The following WDPCP variants were observed in gnomAD, a reference collection of about 807,000 sequenced individuals.
The protein encoded by WDPCP is WD repeat containing planar cell polarity effector.
In WDPCP, 71 loss-of-function variants were observed where a neutral mutation model predicts 93.1. That is an observed-to-expected ratio of 0.76 (90% confidence interval 0.63 to 0.93). The LOEUF is 0.93. WDPCP is among the 40% of genes least tolerant of loss of function. The pLI is 0.00. For missense variants in WDPCP, 844 were observed against 887.4 expected, an observed-to-expected ratio of 0.95 and a Z score of 0.62; for synonymous variants, 315 against 315.0, an observed-to-expected ratio of 1.00 and a Z score of 0.00.
chr2:63,698,579 G>C (rs745953669), intron 2 of WDPCP, among the ~76,000 whole-genome samples: 11 of 152,166 alleles, frequency 7.2e-5, no homozygotes, highest in Non-Finnish European at 1.5e-4. Flanking sequence ...AGTCAAGTCA[G>C]GTAACAGGGA....
intron 12 of WDPCP, among the ~76,000 whole-genome samples, chr2:63,360,770 C>T (rs1690386962): frequency 6.6e-6 from 1 of 152,164 alleles, no homozygotes; most frequent in African/African-American, 2.4e-5. Context: ...CAAATCCCAT[C>T]TTTTATTTCA....
intron 1 of WDPCP, among the ~76,000 whole-genome samples, chr2:63,561,878 T>TG (rs1706655478): frequency 6.6e-6 from 1 of 152,196 alleles, no homozygotes; most frequent in Non-Finnish European, 1.5e-5. Context: ...CAACAGATGC[T>TG]GGCGGGGCTG....
chr2:63,247,674 GAA>G (rs77431217), intron 14 of WDPCP, among the ~76,000 whole-genome samples: 2 of 116,126 alleles, frequency 1.7e-5, no homozygotes, highest in Non-Finnish European at 1.8e-5. Flanking sequence ...TTCCAAAATT[GAA>G]AAAAAAAAAA....
chr2:63,784,659 C>A (rs1670442457), intron 2 of WDPCP, among the ~76,000 whole-genome samples: 1 of 151,530 alleles, frequency 6.6e-6, no homozygotes, highest in South Asian at 2.1e-4. Context: ...TAAAGAAAGA[C>A]AGTGAAGAAA....
At chr2:63,654,109 A>G (rs1331012824) in intron 2 of WDPCP, among the ~76,000 whole-genome samples, 1 of 152,176 alleles carries the variant, frequency 6.6e-6, no homozygotes, top group Non-Finnish European at 1.5e-5. Flanking sequence ...TAAAGAGATA[A>G]ATGGAAGACA....
intron 12 of WDPCP, among the ~76,000 whole-genome samples, chr2:63,351,291 T>G (rs1689593929): frequency 2.0e-5 from 3 of 152,150 alleles, no homozygotes; most frequent in Admixed American, 2.0e-4. Context: ...TCAACTTTTA[T>G]TTTAGATAAA....
At chr2:63,834,883 G>A in the WDPCP span, among the ~76,000 whole-genome samples, 1 of 152,328 alleles carries the variant, frequency 6.6e-6, no homozygotes, top group Non-Finnish European at 1.5e-5. Context: ...AGCAGCTGAA[G>A]TGCCCTTTTT....
intron 1 of WDPCP, among the ~76,000 whole-genome samples, chr2:63,521,120 T>A (rs976018952): frequency 6.6e-6 from 1 of 152,118 alleles, no homozygotes; most frequent in Admixed American, 6.6e-5. Flanking sequence ...TTTAAACTCA[T>A]AGACCAGTGA....
intron 2 of WDPCP, among the ~76,000 whole-genome samples, chr2:63,731,606 G>A (rs1200019973): frequency 1.3e-5 from 2 of 152,148 alleles, no homozygotes; most frequent in Non-Finnish European, 2.9e-5. Flanking sequence ...GTGAGAAGTA[G>A]CTAATGGATT....
intron 6 of WDPCP, among the ~76,000 whole-genome samples, chr2:63,445,980 A>G (rs937166049): frequency 6.6e-6 from 1 of 152,220 alleles, no homozygotes; most frequent in Non-Finnish European, 1.5e-5. Flanking sequence ...CAATTAATCA[A>G]AGGTCTCATA....
At chr2:63,757,588 G>C (rs1669987950) in intron 2 of WDPCP, among the ~76,000 whole-genome samples, 1 of 152,150 alleles carries the variant, frequency 6.6e-6, no homozygotes, top group African/African-American at 2.4e-5. Context: ...CTCAGAAATA[G>C]AGCAAATCAA....
At chr2:63,688,375 C>A (rs543230964) in intron 2 of WDPCP, among the ~76,000 whole-genome samples, 2 of 151,456 alleles carry the variant, frequency 1.3e-5, no homozygotes, top group East Asian at 1.9e-4. Context: ...CGCAGTGAGC[C>A]GAGATCGCTC....
intron 14 of WDPCP, among the ~76,000 whole-genome samples, chr2:63,183,689 T>G (rs937377221): frequency 1.3e-5 from 2 of 152,120 alleles, no homozygotes; most frequent in African/African-American, 4.8e-5. Context: ...CTTGTTTTTC[T>G]GTCTCAATGA....
chr2:63,467,671 T>G (rs2084200), intron 6 of WDPCP, among the ~76,000 whole-genome samples: 121,852 of 151,178 alleles, frequency 0.81, 49,732 homozygotes, highest in East Asian at 0.98. Context: ...AGCTACTCGG[T>G]AGGCTAAGGC....
chr2:63,251,314 A>T (rs1680694426), intron 14 of WDPCP, among the ~76,000 whole-genome samples: 1 of 152,134 alleles, frequency 6.6e-6, no homozygotes, highest in Non-Finnish European at 1.5e-5. Flanking sequence ...GATATACAAA[A>T]GATCCTTAGA....
intron 6 of WDPCP, among the ~76,000 whole-genome samples, chr2:63,443,636 C>T (rs979416900): frequency 7.9e-5 from 12 of 152,054 alleles, no homozygotes; most frequent in Non-Finnish European, 2.9e-5. Flanking sequence ...CAGCACAGAA[C>T]TATAATATAA....
At chr2:63,349,352 T>A (rs999157342) in intron 12 of WDPCP, among the ~76,000 whole-genome samples, 1 of 152,120 alleles carries the variant, frequency 6.6e-6, no homozygotes, top group African/African-American at 2.4e-5. Flanking sequence ...TTCTAAGTCA[T>A]AAAGTACTAA....
At chr2:63,605,915 T>C (rs754949817) in intron 3 of WDPCP, 158 of 1,575,988 alleles carry the variant, frequency 1.0e-4, no homozygotes, top group Non-Finnish European at 1.3e-4. Flanking sequence ...TCATCATGAG[T>C]ATGTGAAACA....
chr2:63,417,623 T>C (rs1421678785), intron 9 of WDPCP, among the ~76,000 whole-genome samples: 1 of 151,354 alleles, frequency 6.6e-6, no homozygotes, highest in East Asian at 1.9e-4. Flanking sequence ...CATATAGAGA[T>C]AATAAATCTG....
Sources: allele counts gnomAD v4.1 joint callset (sites outside exome capture counted in the v4.1 genomes callset), GRCh38; gene constraint gnomAD v4.1.1; transcripts MANE v1.5; gene names NCBI Gene and HGNC (gene_info 2026-07-23, HGNC 2026-07-21).